ATXN1: variants seen among roughly 807,000 people sequenced by gnomAD.
ATXN1 encodes the protein ataxin-1.
In ATXN1, 8 loss-of-function variants were observed where a neutral mutation model predicts 56.4. The observed-to-expected ratio is 0.14, with a 90% confidence interval of 0.08 to 0.26. The LOEUF (loss-of-function observed/expected upper bound fraction) is 0.26, where lower values mean the gene tolerates loss of function less well. Among genes scored for constraint, ATXN1 ranks in the 10% least tolerant of loss-of-function variants. The probability of loss-of-function intolerance (pLI) is 1.00; values close to 1 mark genes in which losing one functional copy is unlikely to be tolerated. For synonymous variants in ATXN1, 514 were observed against 494.6 expected, an observed-to-expected ratio of 1.04 and a Z score of -0.52; for missense variants, 987 against 1,106.5, an observed-to-expected ratio of 0.89 and a Z score of 1.53.
At chr6:16,546,911 G>A (rs1269335805) in intron 4 of ATXN1, among the ~76,000 whole-genome samples, 1 of 152,182 alleles carries the variant, frequency 6.6e-6, no homozygotes, top group Non-Finnish European at 1.5e-5. Context: ...TCAACATGCT[G>A]AAATGGAAGT....
At chr6:16,324,252 A>T (rs1432101900) in intron 7 of ATXN1, among the ~76,000 whole-genome samples, 1 of 152,134 alleles carries the variant, frequency 6.6e-6, no homozygotes, top group African/African-American at 2.4e-5. Flanking sequence ...AGACCAGCCT[A>T]GGCAACACAG....
In ATXN1 at chr6:16,574,754, C is replaced by A. The variant is rs78684855; in HGVS notation, c.-361+11026G>T. Among the ~76,000 whole-genome samples, 934 of 152,168 alleles carry A rather than the reference C, an allele frequency of 6.1e-3. 8 individuals are homozygous for A. Among genetic ancestry groups the A allele is most frequent in the African/African-American group, 0.02 (822 of 41,514 alleles). ...ACCACGATCAAAACTAGAAAGTTAA[C>A]CTGGGTCACGACTACTCAACAAACC... On this transcript the variant is annotated intron_variant, in intron 4 of 7. Coordinates refer to ENST00000436367, the MANE Select transcript of ATXN1 (RefSeq NM_001128164.2).
chr6:16,548,298 T>C (rs1761851956), intron 4 of ATXN1, among the ~76,000 whole-genome samples: 1 of 152,210 alleles, frequency 6.6e-6, no homozygotes, highest in Non-Finnish European at 1.5e-5. Context: ...GATTGGAAGT[T>C]GCTCTGGGTG....
chr6:16,596,308 T>C (rs1762813550), intron 3 of ATXN1, among the ~76,000 whole-genome samples: 1 of 152,132 alleles, frequency 6.6e-6, no homozygotes, highest in African/African-American at 2.4e-5. Flanking sequence ...GACCTCCTTT[T>C]CTCCCCTATC....
chr6:16,430,031 G>A (rs1219974922), intron 6 of ATXN1, among the ~76,000 whole-genome samples: 1 of 152,150 alleles, frequency 6.6e-6, no homozygotes, highest in East Asian at 1.9e-4. Context: ...AATTTGCCTG[G>A]AGTGACATTA....
chr6:16,489,190 C>T (rs970245560), intron 5 of ATXN1, among the ~76,000 whole-genome samples: 2 of 152,114 alleles, frequency 1.3e-5, no homozygotes, highest in African/African-American at 4.8e-5. Context: ...CTTGCCATGC[C>T]CTTCTTTTGC....
intron 7 of ATXN1, among the ~76,000 whole-genome samples, chr6:16,316,583 A>T (rs145489437): frequency 0.033 from 4,967 of 152,112 alleles, 154 homozygotes; most frequent in South Asian, 0.05. Context: ...TGTCTCTACT[A>T]AAAATACAAA....
chr6:16,470,185 A>G (rs1760190097), intron 6 of ATXN1, among the ~76,000 whole-genome samples: 2 of 152,222 alleles, frequency 1.3e-5, no homozygotes, highest in African/African-American at 4.8e-5. Context: ...TATAGCACAG[A>G]CAGACCTGAA....
rs5874560 is a variant in ATXN1, at chr6:16,471,191, A to AACACACACAC, written c.-161+14771_-161+14780dup. Among the ~76,000 whole-genome samples, 732 of 148,094 alleles carry AACACACACAC rather than the reference A, an allele frequency of 4.9e-3. 8 individuals are homozygous for AACACACACAC. The highest frequency in any genetic ancestry group is 0.016 in the African/African-American group (661 of 40,292). Reference sequence around the variant, plus strand: ...TATCTGAAAGACTTCTGGCAATTAAAACACACACACACACACACACACACA... The same window carrying AACACACACAC: ...TATCTGAAAGACTTCTGGCAATTAAAACACACACACACACACACACACACACACACACACA... On this transcript the variant is annotated intron_variant, in intron 6 of 7. Transcript: ENST00000436367.
chr6:16,418,235 T>A (rs919709031), intron 6 of ATXN1, among the ~76,000 whole-genome samples: 1 of 152,220 alleles, frequency 6.6e-6, no homozygotes, highest in African/African-American at 2.4e-5. Context: ...CTCAAACTAT[T>A]CCCATTATAA....
chr6:16,507,906 C>CA (rs1215473918), intron 5 of ATXN1, among the ~76,000 whole-genome samples: 1 of 152,198 alleles, frequency 6.6e-6, no homozygotes, highest in Non-Finnish European at 1.5e-5. Flanking sequence ...AAAAGCAACA[C>CA]AGTAAGTGGT....
Position 16,451,616 on chromosome 6 carries a change from G to A in ATXN1, c.-161+34356C>T, listed in dbSNP as rs139427172. 2.0e-3 allele frequency among the ~76,000 whole-genome samples: 308 copies of A among 152,084 alleles called. 4 individuals are homozygous for A. In the South Asian group the frequency reaches 0.03, roughly 15 times the overall value. ...GCTAAAAATGTAAAATTAGCCGGGC[G>A]TGGTGGCACATGCCTGTAATCCCAG... On this transcript the variant is annotated intron_variant, in intron 6 of 7. Transcript: ENST00000436367.
At chr6:16,535,905 T>C (rs547914318) in intron 4 of ATXN1, among the ~76,000 whole-genome samples, 1 of 152,196 alleles carries the variant, frequency 6.6e-6, no homozygotes, top group African/African-American at 2.4e-5. Flanking sequence ...TTTTGTGGAC[T>C]GTCCCTCAAT....
At chr6:16,523,543 T>TG (rs2113697606) in intron 4 of ATXN1, among the ~76,000 whole-genome samples, 1 of 152,294 alleles carries the variant, frequency 6.6e-6, no homozygotes, top group East Asian at 1.9e-4. Flanking sequence ...TTTGCGGAGA[T>TG]GGAGTTTTGC....
chr6:16,651,047 T>A (rs1763883141), intron 3 of ATXN1, among the ~76,000 whole-genome samples: 1 of 152,238 alleles, frequency 6.6e-6, no homozygotes, highest in South Asian at 2.1e-4. Flanking sequence ...CCAAGGATTT[T>A]CAAGTGTAGG....
intron 3 of ATXN1, among the ~76,000 whole-genome samples, chr6:16,588,886 G>GT (rs1425775080): frequency 6.6e-6 from 1 of 152,110 alleles, no homozygotes; most frequent in Non-Finnish European, 1.5e-5. Flanking sequence ...TCTGTAAATC[G>GT]TTTTCCAGCA....
At chr6:16,625,345 T>C (rs1040306397) in intron 3 of ATXN1, among the ~76,000 whole-genome samples, 1 of 152,226 alleles carries the variant, frequency 6.6e-6, no homozygotes, top group Non-Finnish European at 1.5e-5. Context: ...GTATATGATT[T>C]TTCCATCATT....
chr6:16,721,837 T>C (rs1759752048), intron 2 of ATXN1, among the ~76,000 whole-genome samples: 1 of 152,164 alleles, frequency 6.6e-6, no homozygotes, highest in South Asian at 2.1e-4. Context: ...AAATAAATGG[T>C]TCCTATGAAC....
intron 3 of ATXN1, among the ~76,000 whole-genome samples, chr6:16,622,529 CATTT>C (rs1381277621): frequency 1.3e-5 from 2 of 152,188 alleles, no homozygotes; most frequent in African/African-American, 4.8e-5. Context: ...GACTAATTTT[CATTT>C]ATTAAAGACT....
Sources: gnomAD v4.1 joint callset for allele counts (sites outside exome capture counted in the v4.1 genomes callset) on GRCh38, gnomAD v4.1.1 for gene constraint, MANE v1.5 for transcripts, NCBI Gene and HGNC (gene_info 2026-07-23, HGNC 2026-07-21) for gene names.